The following SPATA16 variants were observed in gnomAD, a reference collection of about 807,000 sequenced individuals.
The protein encoded by SPATA16 is spermatogenesis associated 16, also known as spermatogenesis-associated protein 16.
Under a neutral mutation model 63.3 loss-of-function variants are expected in SPATA16, and 36 were observed. The observed-to-expected ratio is 0.57, with a 90% CI of 0.44 to 0.75. SPATA16 has a LOEUF of 0.75. SPATA16 is among the 30% of genes least tolerant of loss of function. The probability of loss-of-function intolerance (pLI) is 0.00; values close to 1 mark genes in which losing one functional copy is unlikely to be tolerated. For missense variants in SPATA16, 646 were observed against 679.3 expected, an observed-to-expected ratio of 0.95 and a Z score of 0.54; for synonymous variants, 203 against 216.7, an observed-to-expected ratio of 0.94 and a Z score of 0.56.
intron 1 of SPATA16, among the ~76,000 whole-genome samples, chr3:173,131,124 A>G (rs572437687): frequency 7.2e-4 from 109 of 152,340 alleles, no homozygotes; most frequent in Non-Finnish European, 1.4e-3. Flanking sequence ...ATCTCAGCCA[A>G]AGAAAACCAT....
Position 173,117,841 on chromosome 3 carries a change from A to T in SPATA16, c.-18-92T>A, listed in dbSNP as rs1737950724. Reference sequence around the variant, plus strand: ...TCAAATTCATTTTAAACACTATTTCATTCATTATTAGTATTTGTTGCCTTG... The same window carrying T: ...TCAAATTCATTTTAAACACTATTTCTTTCATTATTAGTATTTGTTGCCTTG... On this transcript the variant is annotated intron_variant, in intron 1 of 10. Coordinates refer to ENST00000351008, the MANE Select transcript of SPATA16 (RefSeq NM_031955.6). 12 of 1,577,194 alleles carry T rather than the reference A, an allele frequency of 7.6e-6. No homozygotes were observed. The South Asian group carries it at 7.9e-5, about 10-fold the overall frequency.
intron 6 of SPATA16, among the ~76,000 whole-genome samples, chr3:172,927,545 T>A (rs1560069157): frequency 6.6e-6 from 1 of 152,240 alleles, no homozygotes; most frequent in African/African-American, 2.4e-5. Flanking sequence ...CCACACACAT[T>A]ATCAGGGTTA....
At chr3:173,038,011 A>G (rs1222288585) in intron 3 of SPATA16, among the ~76,000 whole-genome samples, 2 of 152,152 alleles carry the variant, frequency 1.3e-5, no homozygotes, top group Admixed American at 6.6e-5. Context: ...TCGAAGGGAT[A>G]GCAGAGTGGT....
intron 3 of SPATA16, among the ~76,000 whole-genome samples, chr3:173,033,669 C>A (rs1041148273): frequency 3.9e-5 from 6 of 151,940 alleles, no homozygotes; most frequent in African/African-American, 1.4e-4. Context: ...TGTTTTTTTC[C>A]ATTCGCTGTG....
chr3:173,137,969 A>G (rs1738596648), intron 1 of SPATA16, among the ~76,000 whole-genome samples: 2 of 152,034 alleles, frequency 1.3e-5, no homozygotes, highest in Admixed American at 1.3e-4. Flanking sequence ...TCTTCACCTT[A>G]AACTTAGGTT....
chr3:172,921,588 C>G (rs73041293), intron 8 of SPATA16, among the ~76,000 whole-genome samples: 1 of 151,308 alleles, frequency 6.6e-6, no homozygotes, highest in Admixed American at 6.6e-5. Context: ...TCACAGAACA[C>G]GAGTGGAATC....
intron 2 of SPATA16, among the ~76,000 whole-genome samples, chr3:173,068,373 G>A (rs1299787216): frequency 6.6e-6 from 1 of 152,148 alleles, no homozygotes; most frequent in Non-Finnish European, 1.5e-5. Flanking sequence ...GTAGAAGTTT[G>A]TAGTTTTCTA....
intron 2 of SPATA16, among the ~76,000 whole-genome samples, chr3:173,054,335 G>A (rs1002080935): frequency 5.3e-5 from 8 of 152,170 alleles, no homozygotes; most frequent in Non-Finnish European, 1.2e-4. Flanking sequence ...ACATGCACAT[G>A]TATGTTTATT....
chr3:173,120,100 AAGAG>A (rs1393551383), intron 1 of SPATA16, among the ~76,000 whole-genome samples: 2 of 148,152 alleles, frequency 1.3e-5, no homozygotes, highest in African/African-American at 5.3e-5. Flanking sequence ...AAAAAAAAAA[AAGAG>A]AGAGAAAAAA....
rs1732622819 is a variant in SPATA16 at position 172,921,904 on chromosome 3, G to T, written c.1338+2304C>A. On this transcript the variant is annotated intron_variant, in intron 8 of 10. Coordinates refer to ENST00000351008, the MANE Select transcript of SPATA16 (RefSeq NM_031955.6). ...AGCATGGCCTTGGGCAAAAGTCTTT[G>T]TCTACACGTATCACAAATTAGGGTA... Among the ~76,000 whole-genome samples the T allele has an allele frequency of 2.6e-5, 4 of 152,270 alleles. No individual in the cohort carries two copies. The South Asian group carries it at 6.2e-4, about 24-fold the overall frequency.
chr3:173,094,661 AG>A (rs1737305888), intron 2 of SPATA16, among the ~76,000 whole-genome samples: 1 of 150,814 alleles, frequency 6.6e-6, no homozygotes, highest in South Asian at 2.1e-4. Context: ...GATGCAAATA[AG>A]GTGTTATGGG....
intron 4 of SPATA16, among the ~76,000 whole-genome samples, chr3:173,005,618 G>A (rs1734927797): frequency 6.6e-6 from 1 of 152,170 alleles, no homozygotes; most frequent in African/African-American, 2.4e-5. Context: ...TAGAGGTAAT[G>A]CAAATTCATA....
At chr3:172,938,424 T>C (rs954180363) in intron 6 of SPATA16, among the ~76,000 whole-genome samples, 9 of 152,088 alleles carry the variant, frequency 5.9e-5, no homozygotes, top group Non-Finnish European at 1.2e-4. Flanking sequence ...AGAAATGGGA[T>C]AAATAGATGG....
intron 2 of SPATA16, among the ~76,000 whole-genome samples, chr3:173,060,697 C>T (rs1050905848): frequency 2.0e-5 from 3 of 152,020 alleles, no homozygotes; most frequent in African/African-American, 7.2e-5. Flanking sequence ...GTGATTTGCC[C>T]CCATTGATAG....
At position 172,924,468 on chromosome 3, in the gene SPATA16, A is replaced by G. The variant is rs948679407; in HGVS notation, c.1229-151T>C. 21 of 626,262 alleles carry G rather than the reference A, an allele frequency of 3.4e-5. No individual in the cohort carries two copies. In the East Asian group the frequency reaches 6.1e-4, roughly 18 times the overall value. 38.8% of individuals were successfully genotyped at this position (626,262 alleles called of 1,614,324 possible). A position where few individuals can be genotyped will look rare whatever the true frequency, so the allele number is the denominator to read the frequency against. Reference sequence around the variant, plus strand: ...AGTCCCATCCCTAGACCATATGTATAACAAAGAAAGATCTATGGGGAGAAA... The same window carrying G: ...AGTCCCATCCCTAGACCATATGTATGACAAAGAAAGATCTATGGGGAGAAA... On this transcript the variant is annotated intron_variant, in intron 7 of 10. Coordinates refer to ENST00000351008, the MANE Select transcript of SPATA16 (RefSeq NM_031955.6).
At chr3:173,126,528 G>A (rs1399533008) in intron 1 of SPATA16, among the ~76,000 whole-genome samples, 4 of 152,138 alleles carry the variant, frequency 2.6e-5, no homozygotes, top group Non-Finnish European at 5.9e-5. Context: ...TTCTATTTAC[G>A]TAAGAGGCTG....
chr3:173,135,635 A>C (rs1379519237), intron 1 of SPATA16, among the ~76,000 whole-genome samples: 2 of 152,254 alleles, frequency 1.3e-5, no homozygotes, highest in Non-Finnish European at 2.9e-5. Flanking sequence ...ACAAGCAACC[A>C]CATGGAAGAA....
At chr3:172,965,562 C>T (rs1321599058) in intron 5 of SPATA16, among the ~76,000 whole-genome samples, 1 of 152,048 alleles carries the variant, frequency 6.6e-6, no homozygotes, top group East Asian at 1.9e-4. Flanking sequence ...TCTCTTGCCT[C>T]CCCGTAATTT....
intron 2 of SPATA16, among the ~76,000 whole-genome samples, chr3:173,085,298 A>G (rs111791383): frequency 0.039 from 5,971 of 152,012 alleles, 384 homozygotes; most frequent in African/African-American, 0.14. Context: ...TGCATTCATG[A>G]TTTGGCTCTC....
Sources: gnomAD v4.1 joint callset for allele counts (sites outside exome capture counted in the v4.1 genomes callset) on GRCh38, gnomAD v4.1.1 for gene constraint, MANE v1.5 for transcripts, NCBI Gene and HGNC (gene_info 2026-07-23, HGNC 2026-07-21) for gene names.